Variants in MAML2 observed in about 807,000 individuals in gnomAD.
The protein encoded by MAML2 is mastermind like transcriptional coactivator 2, also known as mastermind-like protein 2.
In MAML2, 22 loss-of-function variants were observed where a neutral mutation model predicts 96.1. The observed-to-expected ratio is 0.23, with a 90% CI of 0.16 to 0.33. The LOEUF is 0.33. Ranked by LOEUF, MAML2 falls within the 10% of genes least tolerant of loss-of-function variation. The pLI is 1.00. For missense variants in MAML2, 1,367 were observed against 1,392.4 expected (o/e 0.98, Z 0.29); for synonymous variants, 561 against 521.3 (o/e 1.08, Z -1.04).
At chr11:96,281,599 T>C (rs758581416) in intron 1 of MAML2, among the ~76,000 whole-genome samples, 24 of 152,328 alleles carry the variant, frequency 1.6e-4, no homozygotes, top group Admixed American at 3.3e-4. Context: ...TATTAAAATA[T>C]GCCTTTGATT....
chr11:96,014,559 C>G (rs1858314219), intron 2 of MAML2, among the ~76,000 whole-genome samples: 1 of 152,192 alleles, frequency 6.6e-6, no homozygotes, highest in Non-Finnish European at 1.5e-5. Flanking sequence ...TCTTACAAAC[C>G]AACCAATTGA....
At chr11:96,087,343 A>G (rs1026196541) in intron 2 of MAML2, among the ~76,000 whole-genome samples, 1 of 152,226 alleles carries the variant, frequency 6.6e-6, no homozygotes, top group Admixed American at 6.5e-5. Context: ...AGTATTAAAG[A>G]CAAATTTTTC....
intron 1 of MAML2, among the ~76,000 whole-genome samples, chr11:96,218,989 C>T (rs1862092992): frequency 6.6e-6 from 1 of 152,192 alleles, no homozygotes; most frequent in Non-Finnish European, 1.5e-5. Flanking sequence ...TGTAGGTCTG[C>T]AAAATTCCCA....
intron 1 of MAML2, among the ~76,000 whole-genome samples, chr11:96,177,208 G>A (rs145439327): frequency 6.6e-6 from 1 of 152,182 alleles, no homozygotes; most frequent in Non-Finnish European, 1.5e-5. Context: ...TCAATTACTT[G>A]AGTTCAGCTG....
intron 1 of MAML2, among the ~76,000 whole-genome samples, chr11:96,129,129 C>T (rs1269932861): frequency 1.3e-5 from 2 of 152,136 alleles, no homozygotes; most frequent in African/African-American, 2.4e-5. Flanking sequence ...AAAAAAGGTG[C>T]TCAGGGCAGC....
In MAML2 at chr11:95,979,038, A is replaced by C; in HGVS notation, c.3381T>G (p.Asp1127Glu). Reference sequence around the variant, plus strand: ...CTGTCTTCAATAAAGAATCAATGAAATCAGCATCACTGTTTAGGGCAGGGC... The same window carrying C: ...CTGTCTTCAATAAAGAATCAATGAACTCAGCATCACTGTTTAGGGCAGGGC... ...NMGPALNSDADFIDSLLKTEP... is the reference protein window; with the variant it reads ...NMGPALNSDAEFIDSLLKTEP... The change falls in exon 5 of 5, where the codon GAT (aspartate) becomes GAG (glutamate). Residue 1127 changes from aspartate to glutamate, a missense_variant. Asp to Glu is a conservative substitution (Grantham distance 45). Transcript: ENST00000524717. 1.9e-6 allele frequency: 3 copies of C among 1,614,004 alleles called. No homozygotes were observed. The highest frequency in any genetic ancestry group is 2.5e-6 in the Non-Finnish European group (3 of 1,179,888).
intron 1 of MAML2, among the ~76,000 whole-genome samples, chr11:96,325,545 T>C (rs535671653): frequency 6.6e-6 from 1 of 152,238 alleles, no homozygotes; most frequent in African/African-American, 2.4e-5. Flanking sequence ...CTGTAGGTCA[T>C]GTACATATAT....
chr11:96,264,498 C>T (rs1213663657), intron 1 of MAML2, among the ~76,000 whole-genome samples: 1 of 152,184 alleles, frequency 6.6e-6, no homozygotes, highest in African/African-American at 2.4e-5. Context: ...TTAACATGTC[C>T]TGTTTTGTGC....
At chr11:96,138,426 A>G (rs984960104) in intron 1 of MAML2, among the ~76,000 whole-genome samples, 11 of 152,248 alleles carry the variant, frequency 7.2e-5, no homozygotes, top group Non-Finnish European at 1.3e-4. Context: ...GCCATCTGTA[A>G]AAGAGGGAGC....
At chr11:96,287,597 A>T in intron 1 of MAML2, among the ~76,000 whole-genome samples, 1 of 152,236 alleles carries the variant, frequency 6.6e-6, no homozygotes, top group East Asian at 1.9e-4. Context: ...TTTTAAAAAA[A>T]TTAAGAGTAG....
At chr11:96,120,968 A>G (rs1860330003) in intron 1 of MAML2, among the ~76,000 whole-genome samples, 1 of 152,186 alleles carries the variant, frequency 6.6e-6, no homozygotes, top group African/African-American at 2.4e-5. Context: ...CAGTAATTCT[A>G]GGGCAAGTGC....
At chr11:96,282,378 G>C (rs1344303382) in intron 1 of MAML2, among the ~76,000 whole-genome samples, 1 of 152,130 alleles carries the variant, frequency 6.6e-6, no homozygotes, top group African/African-American at 2.4e-5. Flanking sequence ...AATTTGAGTG[G>C]ATTTAAATTA....
At chr11:96,007,167 TAA>T (rs1491509532) in intron 2 of MAML2, among the ~76,000 whole-genome samples, 1 of 139,134 alleles carries the variant, frequency 7.2e-6, no homozygotes. Flanking sequence ...CATGTCCAGT[TAA>T]TTTTTTTTTT....
At chr11:96,065,840 T>G (rs1441151315) in intron 2 of MAML2, among the ~76,000 whole-genome samples, 1 of 152,176 alleles carries the variant, frequency 6.6e-6, no homozygotes, top group East Asian at 1.9e-4. Flanking sequence ...TGCTCTGTGC[T>G]GCCTTGCACT....
intron 2 of MAML2, among the ~76,000 whole-genome samples, chr11:96,063,088 G>A (rs546558523): frequency 1.2e-3 from 22 of 18,876 alleles, no homozygotes; most frequent in Admixed American, 5.9e-3. Flanking sequence ...CACCTCTCTG[G>A]CACTTTGGTG....
intron 1 of MAML2, among the ~76,000 whole-genome samples, chr11:96,233,060 A>T (rs967674681): frequency 6.6e-6 from 1 of 152,214 alleles, no homozygotes; most frequent in African/African-American, 2.4e-5. Flanking sequence ...CTTAAGACCA[A>T]TTTTTTAAAG....
intron 1 of MAML2, among the ~76,000 whole-genome samples, chr11:96,318,282 A>G (rs1384070194): frequency 6.6e-6 from 1 of 152,240 alleles, no homozygotes; most frequent in African/African-American, 2.4e-5. Flanking sequence ...TGAGGCTCAG[A>G]TGAGTCAAGC....
chr11:96,092,216 C>CTGCTGCTGCTGT lies in MAML2; in HGVS notation c.1814_1815insACAGCAGCAGCA (p.Gln618_Gln621dup). On this transcript the variant is annotated inframe_insertion, in exon 2 of 5. Coordinates refer to ENST00000524717, the MANE Select transcript of MAML2 (RefSeq NM_032427.4). The surrounding 1 kb of genome is among the most constrained non-coding windows in gnomAD (Gnocchi z 4.1). ...GTTGCTGCTGCTGCTGCTGTTGCTG[C>CTGCTGCTGCTGT]TGCTGCTGCTGCTGCTGCTGCTGCT... The CTGCTGCTGCTGT allele has an allele frequency of 2.7e-5, 1 of 37,196 alleles. No homozygotes were observed. The highest frequency in any genetic ancestry group is 3.3e-5 in the Non-Finnish European group (1 of 30,498). 2.3% of individuals were successfully genotyped at this position (37,196 alleles called of 1,614,324 possible). A position where few individuals can be genotyped will look rare whatever the true frequency, so the allele number is the denominator to read the frequency against.
intron 1 of MAML2, among the ~76,000 whole-genome samples, chr11:96,327,777 G>A (rs1407741881): frequency 6.6e-6 from 1 of 151,992 alleles, no homozygotes. Context: ...AGGCACTCAT[G>A]TAACCAACTT....
Sources: allele counts gnomAD v4.1 joint callset (sites outside exome capture counted in the v4.1 genomes callset), GRCh38; gene constraint gnomAD v4.1.1; non-coding constraint Gnocchi (gnomAD v3.1); transcripts MANE v1.5; gene names NCBI Gene and HGNC (gene_info 2026-07-23, HGNC 2026-07-21).